The following RALGPS1 variants were observed in gnomAD, a reference collection of about 807,000 sequenced individuals.
RALGPS1 encodes Ral GEF with PH domain and SH3 binding motif 1.
RALGPS1 carries 19 observed loss-of-function variants against 78.8 expected under a neutral mutation model. That is an observed-to-expected ratio of 0.24 (90% CI 0.17 to 0.35). RALGPS1 has a LOEUF of 0.35. Among genes scored for constraint, RALGPS1 ranks in the 10% least tolerant of loss-of-function variants. RALGPS1 has a pLI of 1.00. For missense variants in RALGPS1, 454 were observed against 688.3 expected, an observed-to-expected ratio of 0.66 and a Z score of 3.81; for synonymous variants, 228 against 256.3, an observed-to-expected ratio of 0.89 and a Z score of 1.06.
chr9:127,069,097 C>G lies in RALGPS1; in HGVS notation c.484-133C>G. The G allele has an allele frequency of 4.5e-6, 4 of 892,826 alleles. No individual in the cohort carries two copies. In the Admixed American group the frequency reaches 8.7e-5, roughly 19 times the overall value. 55.3% of individuals were successfully genotyped at this position (892,826 alleles called of 1,614,324 possible). A position where few individuals can be genotyped will look rare whatever the true frequency, so the allele number is the denominator to read the frequency against. The stretch of plus-strand genomic sequence containing the variant: ...ATGCACGAAACAGCCTTTTAAAATC[C>G]TTAGTTCTGTCCAGGATTCGGCACA... On this transcript the variant is annotated intron_variant, in intron 7 of 18. Coordinates refer to ENST00000259351, the MANE Select transcript of RALGPS1 (RefSeq NM_014636.3).
chr9:127,027,851 G>A (rs2046089188), intron 4 of RALGPS1, among the ~76,000 whole-genome samples: 1 of 152,174 alleles, frequency 6.6e-6, no homozygotes, highest in Non-Finnish European at 1.5e-5. Flanking sequence ...CTAGCCATGT[G>A]ACCTTAGACA....
chr9:127,214,854 A>G lies in RALGPS1; in HGVS notation c.1644+12A>G, dbSNP rs2062483356. ...GCAACAGGCCTCAGGTAAAGTCATCAAAATCCTGCTTGTCACCTGAAATAT... is the reference window on the plus strand; with the variant it reads ...GCAACAGGCCTCAGGTAAAGTCATCGAAATCCTGCTTGTCACCTGAAATAT... On this transcript the variant is annotated intron_variant, in intron 18 of 18. Transcript: ENST00000259351. The G allele has an allele frequency of 1.2e-6, 2 of 1,613,210 alleles. No individual in the cohort carries two copies. The highest frequency in any genetic ancestry group is 1.7e-6 in the Non-Finnish European group (2 of 1,179,678).
chr9:127,202,431 C>T (rs894235557), intron 14 of RALGPS1, among the ~76,000 whole-genome samples: 9 of 152,120 alleles, frequency 5.9e-5, no homozygotes, highest in African/African-American at 1.9e-4. Flanking sequence ...AGCTTCCACA[C>T]GGGAGCTGGA....
At chr9:127,148,220 A>C (rs1261710890) in intron 8 of RALGPS1, among the ~76,000 whole-genome samples, 1 of 152,204 alleles carries the variant, frequency 6.6e-6, no homozygotes, top group Non-Finnish European at 1.5e-5. Flanking sequence ...CCAGGCTGCC[A>C]CCCCTGCCCA....
intron 11 of RALGPS1, among the ~76,000 whole-genome samples, chr9:127,182,013 G>A (rs969920070): frequency 1.3e-5 from 2 of 151,700 alleles, no homozygotes; most frequent in African/African-American, 2.4e-5. Context: ...AAATATAAAC[G>A]GGCAGCGAGA....
At chr9:127,035,016 T>A (rs1053420120) in intron 5 of RALGPS1, among the ~76,000 whole-genome samples, 6 of 152,088 alleles carry the variant, frequency 3.9e-5, no homozygotes, top group Non-Finnish European at 8.8e-5. Context: ...CTGTGTGAGG[T>A]CACATATCCC....
intron 11 of RALGPS1, among the ~76,000 whole-genome samples, chr9:127,187,769 C>T (rs2060746889): frequency 6.6e-6 from 1 of 152,214 alleles, no homozygotes. Flanking sequence ...GCAATATGTG[C>T]AAAACCAAAA....
At chr9:127,043,818 A>T (rs1296325905) in intron 5 of RALGPS1, among the ~76,000 whole-genome samples, 1 of 152,254 alleles carries the variant, frequency 6.6e-6, no homozygotes, top group African/African-American at 2.4e-5. Flanking sequence ...GAAGATATGC[A>T]GATGGCAAAT....
At chr9:127,053,145 G>T (rs768773639) in intron 7 of RALGPS1, among the ~76,000 whole-genome samples, 1 of 152,186 alleles carries the variant, frequency 6.6e-6, no homozygotes, top group Non-Finnish European at 1.5e-5. Flanking sequence ...AGGTGCTGAC[G>T]TGGCTGGGGT....
At chr9:127,062,299 C>T (rs1052790352) in intron 7 of RALGPS1, among the ~76,000 whole-genome samples, 6 of 152,182 alleles carry the variant, frequency 3.9e-5, no homozygotes, top group East Asian at 1.9e-4. Context: ...GGGGTTTCAC[C>T]GTGTTTGCCA....
intron 3 of RALGPS1, among the ~76,000 whole-genome samples, chr9:126,977,098 A>G (rs2040737279): frequency 6.6e-6 from 1 of 152,180 alleles, no homozygotes; most frequent in Non-Finnish European, 1.5e-5. Context: ...GCAAGTTCCA[A>G]ATGCTTGCTC....
intron 8 of RALGPS1, chr9:127,088,960 C>T (rs138279434): frequency 8.2e-5 from 132 of 1,614,044 alleles, no homozygotes; most frequent in Non-Finnish European, 1.0e-4. Flanking sequence ...TGTTGGGGTT[C>T]GGTCGGATCA....
intron 8 of RALGPS1, chr9:127,108,273 C>T (rs1589520137): frequency 6.2e-7 from 1 of 1,613,974 alleles, no homozygotes; most frequent in Non-Finnish European, 8.5e-7. Context: ...GGGAGAGCTC[C>T]AACGCGTTGT....
chr9:127,223,146 T>G lies in RALGPS1; in HGVS notation c.*4377T>G. 6.5e-6 allele frequency: 1 copy of G among 152,778 alleles called. No individual in the cohort carries two copies. 9.5% of individuals were successfully genotyped at this position (152,778 alleles called of 1,614,324 possible). A position where few individuals can be genotyped will look rare whatever the true frequency, so the allele number is the denominator to read the frequency against. On this transcript the variant is annotated 3_prime_UTR_variant, in exon 19 of 19. Transcript: ENST00000259351. ...ACAAACATCTTTGTTTACTTTGAAA[T>G]TAAATGTGTTTTCCAATGAATGTTG...
chr9:127,067,037 G>A (rs2049775577), intron 7 of RALGPS1, among the ~76,000 whole-genome samples: 2 of 152,076 alleles, frequency 1.3e-5, no homozygotes, highest in South Asian at 4.1e-4. Context: ...GTTGAATCAA[G>A]TTCCCCAAAG....
intron 13 of RALGPS1, 125 bp downstream of exon 13, chr9:127,196,756 C>G (rs2061369767): frequency 5.1e-6 from 6 of 1,177,818 alleles, no homozygotes; most frequent in Non-Finnish European, 3.5e-6. Flanking sequence ...CCAGTGGCCC[C>G]TCACCTCCCT....
chr9:126,932,421 A>G (rs1437457381), intron 1 of RALGPS1, among the ~76,000 whole-genome samples: 1 of 152,222 alleles, frequency 6.6e-6, no homozygotes, highest in African/African-American at 2.4e-5. Context: ...AAAGAAATAC[A>G]TATGGATGTG....
intron 1 of RALGPS1, among the ~76,000 whole-genome samples, chr9:126,952,345 G>A (rs562368593): frequency 5.3e-5 from 8 of 152,286 alleles, no homozygotes; most frequent in Non-Finnish European, 1.2e-4. Flanking sequence ...GAAAGAAGTT[G>A]AGGAGGGAGC....
At chr9:127,097,867 G>T (rs1223898544) in intron 8 of RALGPS1, among the ~76,000 whole-genome samples, 1 of 152,208 alleles carries the variant, frequency 6.6e-6, no homozygotes, top group Admixed American at 6.5e-5. Context: ...CCTATGCACA[G>T]TGTGACTTTG....
Sources: allele counts gnomAD v4.1 joint callset (sites outside exome capture counted in the v4.1 genomes callset), GRCh38; gene constraint gnomAD v4.1.1; transcripts MANE v1.5; gene names NCBI Gene and HGNC (gene_info 2026-07-23, HGNC 2026-07-21).